Variants in MBOAT2 observed in about 807,000 individuals in gnomAD.
MBOAT2 encodes the protein membrane bound glycerophospholipid O-acyltransferase 2.
MBOAT2 carries 28 observed loss-of-function variants against 63.4 expected under a neutral mutation model. The observed-to-expected ratio is 0.44, with a 90% CI of 0.33 to 0.61. The LOEUF (loss-of-function observed/expected upper bound fraction) is 0.61, where lower values mean the gene tolerates loss of function less well. Among genes scored for constraint, MBOAT2 ranks in the 20% least tolerant of loss-of-function variants. The pLI, the probability that MBOAT2 is intolerant of heterozygous loss-of-function variation, is 0.03. For missense variants in MBOAT2, 470 were observed against 605.8 expected, an observed-to-expected ratio of 0.78 and a Z score of 2.35; for synonymous variants, 211 against 215.6, an observed-to-expected ratio of 0.98 and a Z score of 0.19.
intron 1 of MBOAT2, among the ~76,000 whole-genome samples, chr2:8,987,374 A>T (rs2103352868): frequency 6.6e-6 from 1 of 152,338 alleles, no homozygotes; most frequent in East Asian, 1.9e-4. Context: ...GTTATGAGTT[A>T]CACAAGTGTA....
At chr2:8,889,331 A>ACT (rs1420001873) in intron 4 of MBOAT2, among the ~76,000 whole-genome samples, 1 of 152,252 alleles carries the variant, frequency 6.6e-6, no homozygotes, top group Non-Finnish European at 1.5e-5. Context: ...AATTTGATTC[A>ACT]CAGACCTGGG....
At chr2:8,917,544 A>G (rs1038695067) in intron 3 of MBOAT2, among the ~76,000 whole-genome samples, 5 of 152,306 alleles carry the variant, frequency 3.3e-5, no homozygotes, top group Admixed American at 6.5e-5. Context: ...AAATATCACC[A>G]TATCTGTCAG....
Position 9,003,280 on chromosome 2 carries a change from C to T in MBOAT2, c.75+260G>A, listed in dbSNP as rs1477395296. Among the ~76,000 whole-genome samples the T allele has an allele frequency of 6.6e-6, 1 of 152,182 alleles. No individual in the cohort carries two copies. Among genetic ancestry groups the T allele is most frequent in the Non-Finnish European group, 1.5e-5 (1 of 68,018 alleles). On this transcript the variant is annotated intron_variant, in intron 1 of 12. Transcript: ENST00000305997. This position sits in a 1 kb window ranked among gnomAD's most constrained non-coding sequence, Gnocchi z 5.4. ...CGCACGCCCATACGACCACCCTCCC[C>T]GGGGGCTGTCGCCGGCAACAACGCC...
At chr2:8,972,679 A>T (rs912350575) in intron 1 of MBOAT2, among the ~76,000 whole-genome samples, 7 of 152,130 alleles carry the variant, frequency 4.6e-5, no homozygotes, top group African/African-American at 1.7e-4. Context: ...CAAGAAAAAA[A>T]CAAACAACCC....
chr2:8,993,744 T>C (rs746603879), intron 1 of MBOAT2, among the ~76,000 whole-genome samples: 20 of 152,158 alleles, frequency 1.3e-4, no homozygotes, highest in Non-Finnish European at 2.5e-4. Flanking sequence ...ATCACTGCAT[T>C]CAACTGCAGT....
At chr2:8,888,128 TTA>T in intron 4 of MBOAT2, 55 bp from the exon 5 acceptor site, 1 of 1,481,358 alleles carries the variant, frequency 6.8e-7, no homozygotes, top group East Asian at 2.3e-5. Context: ...AAAACAATAC[TTA>T]TGACATATGA....
chr2:9,003,454 C>A lies in MBOAT2; in HGVS notation c.75+86G>T, dbSNP rs887155774. On this transcript the variant is annotated intron_variant, in intron 1 of 12. Coordinates refer to ENST00000305997, the MANE Select transcript of MBOAT2 (RefSeq NM_138799.4). The surrounding 1 kb of genome is among the most constrained non-coding windows in gnomAD (Gnocchi z 5.4). ...CGGGCGCCCGGCCCCAGCCCCCACCCTCCTCCCGGGCCCCCGGTCGGGTGG... is the reference window on the plus strand; with the variant it reads ...CGGGCGCCCGGCCCCAGCCCCCACCATCCTCCCGGGCCCCCGGTCGGGTGG... 9 of 930,040 alleles carry A rather than the reference C, an allele frequency of 9.7e-6. No individual in the cohort carries two copies. The African/African-American group carries it at 1.1e-4, about 11-fold the overall frequency. The allele number at this position is 930,040 out of a possible 1,614,324, so 57.6% of individuals were successfully genotyped here. A position where few individuals can be genotyped will look rare whatever the true frequency, so the allele number is the denominator to read the frequency against.
Position 8,860,803 on chromosome 2 carries a change from A to G in MBOAT2, c.1186-39T>C, listed in dbSNP as rs767866496. 6 of 1,474,014 alleles carry G rather than the reference A, an allele frequency of 4.1e-6. No homozygotes were observed. The South Asian group carries it at 6.1e-5, about 15-fold the overall frequency. The allele number at this position is 1,474,014 out of a possible 1,614,324, so 91.3% of individuals were successfully genotyped here. On this transcript the variant is annotated intron_variant, in intron 11 of 12. Transcript: ENST00000305997. ...ACAAAAACATTTGCTGTATCTTTAA[A>G]TTAACATTACTTATGCAGTTACACT...
chr2:8,907,888 T>C (rs572742555), intron 4 of MBOAT2, among the ~76,000 whole-genome samples: 151 of 151,592 alleles, frequency 1.0e-3, no homozygotes, highest in Non-Finnish European at 1.8e-3. Flanking sequence ...TGCTGAACAA[T>C]TTTTTTTTCA....
chr2:8,868,238 A>G (rs1299113889), intron 9 of MBOAT2, among the ~76,000 whole-genome samples: 2 of 152,176 alleles, frequency 1.3e-5, no homozygotes, highest in African/African-American at 4.8e-5. Flanking sequence ...CTAAAGCTCC[A>G]TGAGGGCCTG....
At chr2:8,945,848 TA>T (rs919750611) in intron 2 of MBOAT2, among the ~76,000 whole-genome samples, 1 of 152,208 alleles carries the variant, frequency 6.6e-6, no homozygotes. Context: ...AGCACAGGTT[TA>T]AAAAAAGGTT....
intron 3 of MBOAT2, among the ~76,000 whole-genome samples, chr2:8,931,431 T>C (rs1667313566): frequency 6.6e-6 from 1 of 152,146 alleles, no homozygotes; most frequent in Admixed American, 6.5e-5. Context: ...CACTTTTTGA[T>C]GGCTTTGTTT....
At chr2:8,897,234 T>A (rs1664552752) in intron 4 of MBOAT2, among the ~76,000 whole-genome samples, 1 of 152,124 alleles carries the variant, frequency 6.6e-6, no homozygotes, top group Non-Finnish European at 1.5e-5. Flanking sequence ...TCCTTCTTTG[T>A]CTCTCTTTCA....
At chr2:8,925,592 G>A (rs988144684) in intron 3 of MBOAT2, among the ~76,000 whole-genome samples, 1 of 152,206 alleles carries the variant, frequency 6.6e-6, no homozygotes, top group Non-Finnish European at 1.5e-5. Flanking sequence ...AGGAGAAAAC[G>A]GTTAGCATGT....
intron 1 of MBOAT2, among the ~76,000 whole-genome samples, chr2:8,976,173 A>G (rs1452684397): frequency 6.6e-6 from 1 of 152,084 alleles, no homozygotes; most frequent in Admixed American, 6.6e-5. Flanking sequence ...TACAAACCAA[A>G]AAGCAGTGAG....
At chr2:8,927,734 T>C (rs996841669) in intron 3 of MBOAT2, among the ~76,000 whole-genome samples, 3 of 152,108 alleles carry the variant, frequency 2.0e-5, no homozygotes, top group African/African-American at 7.2e-5. Context: ...GAGCATCACC[T>C]CTAGCACACT....
At chr2:8,895,321 C>T (rs543259951) in intron 4 of MBOAT2, among the ~76,000 whole-genome samples, 21 of 152,090 alleles carry the variant, frequency 1.4e-4, no homozygotes, top group South Asian at 1.0e-3. Context: ...CTAATTGGTC[C>T]GTTTTACAGA....
chr2:8,888,058 A>G lies in MBOAT2; in HGVS notation c.411T>C (p.Ile137=). The change falls in exon 5 of 13, where the codon ATT becomes ATC. Residue 137 remains isoleucine, a synonymous_variant. Transcript: ENST00000305997. The part of the protein sequence containing the change: ...SADFSGPMMI[I]TQKITSLACE... Reference sequence around the variant, plus strand: ...AAGCCAAACTAGTGATCTTCTGAGTAATGATCATCATTGGGCTGTGACAAG... The same window carrying G: ...AAGCCAAACTAGTGATCTTCTGAGTGATGATCATCATTGGGCTGTGACAAG... 1 of 1,613,466 alleles carries G rather than the reference A, an allele frequency of 6.2e-7. No homozygotes were observed. Among genetic ancestry groups the G allele is most frequent in the South Asian group, 1.1e-5 (1 of 90,924 alleles).
chr2:8,954,481 G>C (rs892281310), intron 2 of MBOAT2, among the ~76,000 whole-genome samples: 1 of 150,044 alleles, frequency 6.7e-6, no homozygotes, highest in African/African-American at 2.5e-5. Flanking sequence ...CTAGCGCCAA[G>C]GGAGAATCCA....
Sources: gnomAD v4.1 joint callset for allele counts (sites outside exome capture counted in the v4.1 genomes callset) on GRCh38, gnomAD v4.1.1 for gene constraint, Gnocchi (gnomAD v3.1) non-coding constraint, MANE v1.5 for transcripts, NCBI Gene and HGNC (gene_info 2026-07-23, HGNC 2026-07-21) for gene names.